KPNA4: variants seen among roughly 807,000 people sequenced by gnomAD.
The protein encoded by KPNA4 is importin subunit alpha-3.
A neutral mutation model predicts 71.3 loss-of-function variants in KPNA4; 13 were observed. That is an observed-to-expected ratio of 0.18 (90% CI 0.12 to 0.29). The LOEUF (loss-of-function observed/expected upper bound fraction) is 0.29. Ranked by LOEUF, KPNA4 falls within the 10% of genes least tolerant of loss-of-function variation. The probability of loss-of-function intolerance (pLI) is 1.00; values close to 1 mark genes in which losing one functional copy is unlikely to be tolerated. For synonymous variants in KPNA4, 189 were observed against 195.2 expected (o/e 0.97, Z 0.26); for missense variants, 334 against 603.2 (o/e 0.55, Z 4.67).
At chr3:160,554,030 G>C (rs552377059) in intron 1 of KPNA4, among the ~76,000 whole-genome samples, 3 of 152,308 alleles carry the variant, frequency 2.0e-5, no homozygotes, top group African/African-American at 7.2e-5. Context: ...CTCCAATACA[G>C]ATGCTGAATA....
chr3:160,524,103 A>G (rs1721414597), intron 10 of KPNA4, among the ~76,000 whole-genome samples: 1 of 152,188 alleles, frequency 6.6e-6, no homozygotes, highest in Admixed American at 6.5e-5. Context: ...CTAACACATT[A>G]TTTAGTAAGC....
intron 5 of KPNA4, among the ~76,000 whole-genome samples, chr3:160,533,402 C>T (rs1184096734): frequency 2.0e-5 from 3 of 150,738 alleles, no homozygotes; most frequent in Non-Finnish European, 4.4e-5. Context: ...ATACCACATG[C>T]TATTTCCTCA....
At chr3:160,515,716 G>T in intron 11 of KPNA4, 136 bp from the exon 12 acceptor site, 2 of 899,772 alleles carry the variant, frequency 2.2e-6, no homozygotes, top group African/African-American at 1.7e-5. Context: ...TCAGGCTCAA[G>T]TGATCCTCCC....
At position 160,535,575 on chromosome 3, in the gene KPNA4, AT is replaced by A; in HGVS notation, c.235-11del. 1 of 1,590,244 alleles carries A rather than the reference AT, an allele frequency of 6.3e-7. No individual in the cohort carries two copies. The highest frequency in any genetic ancestry group is 1.7e-4 in the Middle Eastern group (1 of 5,868). On this transcript the variant is annotated splice_polypyrimidine_tract_variant and intron_variant, in intron 4 of 16. Coordinates refer to ENST00000334256, the MANE Select transcript of KPNA4 (RefSeq NM_002268.5). ...TATCACTTGAAGCATTCTATAAAAA[AT>A]AAAATAATTTATGATGTAAATATAT...
intron 13 of KPNA4, among the ~76,000 whole-genome samples, chr3:160,513,396 C>A (rs1482014584): frequency 6.6e-6 from 1 of 151,742 alleles, no homozygotes; most frequent in Non-Finnish European, 1.5e-5. Flanking sequence ...GCTAGAACCA[C>A]AGGCGCATGC....
intron 1 of KPNA4, among the ~76,000 whole-genome samples, chr3:160,541,649 G>GCGCACACACA (rs376581446): frequency 4.4e-4 from 65 of 146,754 alleles, no homozygotes; most frequent in African/African-American, 1.2e-3. Flanking sequence ...TTATATACGC[G>GCGCACACACA]CACACACACA....
chr3:160,560,425 G>GT (rs2108562791), intron 1 of KPNA4, among the ~76,000 whole-genome samples: 2 of 152,112 alleles, frequency 1.3e-5, no homozygotes, highest in Admixed American at 6.5e-5. Flanking sequence ...AAATCAGCGA[G>GT]TAAGTACCAA....
intron 7 of KPNA4, among the ~76,000 whole-genome samples, chr3:160,530,159 A>AG (rs1721544956): frequency 6.8e-6 from 1 of 148,020 alleles, no homozygotes; most frequent in Admixed American, 6.7e-5. Flanking sequence ...AAAAAAAAAA[A>AG]GAGAAAAATC....
intron 7 of KPNA4, among the ~76,000 whole-genome samples, chr3:160,528,375 T>A (rs1266610317): frequency 6.6e-6 from 1 of 152,126 alleles, no homozygotes; most frequent in African/African-American, 2.4e-5. Context: ...ACTTTTTTTT[T>A]GTTTTTTTGA....
rs1282796677 is a variant in KPNA4, at chr3:160,499,222, T to A, written c.*2882A>T. On this transcript the variant is annotated 3_prime_UTR_variant, in exon 17 of 17. Coordinates refer to ENST00000334256, the MANE Select transcript of KPNA4 (RefSeq NM_002268.5). ...CCAATGGAAAGTATTATTTCCACCATAACACACAATTACTGAAGTCTTTGA... is the reference window on the plus strand; with the variant it reads ...CCAATGGAAAGTATTATTTCCACCAAAACACACAATTACTGAAGTCTTTGA... The A allele has an allele frequency of 6.6e-6, 1 of 152,160 alleles. No individual in the cohort carries two copies. The highest frequency in any genetic ancestry group is 6.5e-5 in the Admixed American group (1 of 15,270). 9.4% of individuals were successfully genotyped at this position (152,160 alleles called of 1,614,324 possible). A position where few individuals can be genotyped will look rare whatever the true frequency, so the allele number is the denominator to read the frequency against.
In KPNA4 at chr3:160,509,883, C is replaced by T; in HGVS notation, c.1138-12G>A. The T allele has an allele frequency of 6.3e-7, 1 of 1,597,934 alleles. No individual in the cohort carries two copies. The highest frequency in any genetic ancestry group is 1.1e-5 in the South Asian group (1 of 90,432). ...GTGCCAAAATCCCCCTGTAAAAAGG[C>T]AAAACAAAGGCTATAAAAATTGCCA... On this transcript the variant is annotated splice_polypyrimidine_tract_variant and intron_variant, in intron 13 of 16. Transcript: ENST00000334256.
In KPNA4 at chr3:160,515,423, T is replaced by C. The variant is rs186019691; in HGVS notation, c.1032+29A>G. 145 of 1,542,292 alleles carry C rather than the reference T, an allele frequency of 9.4e-5. 1 individual carries two copies. The East Asian group carries it at 1.3e-3, about 14-fold the overall frequency. On this transcript the variant is annotated intron_variant, in intron 12 of 16. Transcript: ENST00000334256. ...GAAACTGTTAACATTTTAAGTGCTA[T>C]CTATTAAGTAGTATTTAATAGTACT... is the stretch of plus-strand genomic sequence containing the variant.
At chr3:160,533,424 A>C (rs1014153547) in intron 5 of KPNA4, among the ~76,000 whole-genome samples, 6 of 151,428 alleles carry the variant, frequency 4.0e-5, no homozygotes, top group African/African-American at 1.5e-4. Context: ...CACATGGCAC[A>C]GTGCTTAGCA....
chr3:160,556,528 T>G (rs572943863), intron 1 of KPNA4, among the ~76,000 whole-genome samples: 11 of 152,348 alleles, frequency 7.2e-5, no homozygotes, highest in Admixed American at 6.5e-4. Flanking sequence ...TCATTGAGTA[T>G]CCCTTATGTG....
At chr3:160,503,017 T>G (rs1720914462) in intron 16 of KPNA4, among the ~76,000 whole-genome samples, 2 of 151,702 alleles carry the variant, frequency 1.3e-5, no homozygotes, top group Non-Finnish European at 2.9e-5. Flanking sequence ...AGGTTGAGGG[T>G]GGAGAATTCC....
chr3:160,510,290 C>T (rs1017941665), intron 13 of KPNA4, among the ~76,000 whole-genome samples: 5 of 152,004 alleles, frequency 3.3e-5, no homozygotes, highest in African/African-American at 4.8e-5. Flanking sequence ...TATACATTGC[C>T]TTTTCAAATA....
rs140170746 is a variant in KPNA4, at chr3:160,540,842, C to T, written c.70-4002G>A. On this transcript the variant is annotated intron_variant, in intron 1 of 16. Coordinates refer to ENST00000334256, the MANE Select transcript of KPNA4 (RefSeq NM_002268.5). ...TGGGGGAGGTTGAGGACTGTTGCTG[C>T]TATTTCCTCAAAGGAGGTGGGTAGA... Among the ~76,000 whole-genome samples, 11 of 152,262 alleles carry T rather than the reference C, an allele frequency of 7.2e-5. No homozygotes were observed. In the East Asian group the frequency reaches 2.1e-3, roughly 29 times the overall value.
chr3:160,560,661 G>A (rs1037707690), intron 1 of KPNA4, among the ~76,000 whole-genome samples: 1 of 151,632 alleles, frequency 6.6e-6, no homozygotes, highest in Non-Finnish European at 1.5e-5. Flanking sequence ...TCCCAATCTT[G>A]TACATTCATT....
intron 1 of KPNA4, among the ~76,000 whole-genome samples, chr3:160,554,214 T>C (rs567360510): frequency 3.9e-5 from 6 of 152,344 alleles, no homozygotes; most frequent in African/African-American, 1.4e-4. Flanking sequence ...AGCTTTGAGA[T>C]ATAATTTACA....
Sources: gnomAD v4.1 joint callset for allele counts (sites outside exome capture counted in the v4.1 genomes callset) on GRCh38, gnomAD v4.1.1 for gene constraint, MANE v1.5 for transcripts, NCBI Gene and HGNC (gene_info 2026-07-23, HGNC 2026-07-21) for gene names.